Variants in SDK1 observed in about 807,000 individuals in gnomAD.
The protein encoded by SDK1 is sidekick cell adhesion molecule 1, also known as protein sidekick-1.
In SDK1, 157 loss-of-function variants were observed where a neutral mutation model predicts 245.5. The observed-to-expected ratio is 0.64, with a 90% CI of 0.56 to 0.73. The LOEUF is 0.73. SDK1 is among the 30% of genes least tolerant of loss of function. The pLI, the probability that SDK1 is intolerant of heterozygous loss-of-function variation, is 0.00. For synonymous variants in SDK1, 1,647 were observed against 1,278.5 expected, an observed-to-expected ratio of 1.29 and a Z score of -6.15; for missense variants, 3,583 against 3,002.3, an observed-to-expected ratio of 1.19 and a Z score of -4.52.
chr7:3,550,369 C>T (rs1416666418), intron 1 of SDK1, among the ~76,000 whole-genome samples: 1 of 152,170 alleles, frequency 6.6e-6, no homozygotes, highest in Non-Finnish European at 1.5e-5. Context: ...TTAATATACT[C>T]ACAATCAACA....
At position 4,149,443 on chromosome 7, in the gene SDK1, G is replaced by A. The variant is rs659182; in HGVS notation, c.4605G>A (p.Ala1535=). 3.9e-6 allele frequency: 6 copies of A among 1,542,892 alleles called. No individual in the cohort carries two copies. The highest frequency in any genetic ancestry group is 1.2e-5 in the South Asian group (1 of 80,162). ...QTYSSSISHE[A]TACVVDRLRP... ...ACTCCTCGTCCATCAGCCATGAGGC[G>A]ACAGCATGCGTCGTTGACAGGTACT... The change falls in exon 30 of 45, where the codon GCG becomes GCA. Residue 1535 remains alanine, a synonymous_variant. Coordinates refer to ENST00000404826, the MANE Select transcript of SDK1 (RefSeq NM_152744.4).
At chr7:3,745,904 C>T (rs1308368732) in intron 4 of SDK1, among the ~76,000 whole-genome samples, 1 of 152,152 alleles carries the variant, frequency 6.6e-6, no homozygotes, top group African/African-American at 2.4e-5. Flanking sequence ...TGATTAAGAA[C>T]ATACACTCTG....
At chr7:4,162,981 C>T (rs909620654) in intron 32 of SDK1, among the ~76,000 whole-genome samples, 1 of 152,194 alleles carries the variant, frequency 6.6e-6, no homozygotes, top group Admixed American at 6.5e-5. Flanking sequence ...GGACTCAGCC[C>T]AGGGCCTGTG....
At chr7:3,471,955 C>G (rs1041986522) in intron 1 of SDK1, among the ~76,000 whole-genome samples, 1 of 152,108 alleles carries the variant, frequency 6.6e-6, no homozygotes, top group Non-Finnish European at 1.5e-5. Flanking sequence ...TAAGTTGTTC[C>G]TAACCATAGT....
chr7:3,904,732 G>A (rs928723207), intron 5 of SDK1, among the ~76,000 whole-genome samples: 8 of 151,900 alleles, frequency 5.3e-5, no homozygotes, highest in African/African-American at 1.4e-4. Context: ...GGTGGCTCAC[G>A]CCTGTAATCC....
intron 1 of SDK1, among the ~76,000 whole-genome samples, chr7:3,376,745 G>A (rs1374266253): frequency 2.0e-5 from 3 of 152,138 alleles, no homozygotes; most frequent in African/African-American, 4.8e-5. Context: ...TTCAGCTATT[G>A]TGTAAATTTA....
rs574808841 is a variant in SDK1 at position 3,989,573 on chromosome 7, C to G, written c.2131+2251C>G. ...GGCCTGTGGTTGTCTCTGGATGATACTGGTGTTCTAAACGGGTCCCTGTTT... is the reference window on the plus strand; with the variant it reads ...GGCCTGTGGTTGTCTCTGGATGATAGTGGTGTTCTAAACGGGTCCCTGTTT... On this transcript the variant is annotated intron_variant, in intron 14 of 44. Coordinates refer to ENST00000404826, the MANE Select transcript of SDK1 (RefSeq NM_152744.4). Among the ~76,000 whole-genome samples, 105 of 152,246 alleles carry G rather than the reference C, an allele frequency of 6.9e-4. 1 individual carries two copies. Among genetic ancestry groups the G allele is most frequent in the African/African-American group, 2.5e-3 (102 of 41,542 alleles).
At chr7:3,305,490 T>C (rs1381750071) in intron 1 of SDK1, among the ~76,000 whole-genome samples, 1 of 152,218 alleles carries the variant, frequency 6.6e-6, no homozygotes. Flanking sequence ...GCCACTTGTT[T>C]GCTAGAGTGT....
At chr7:3,452,523 CA>C (rs934981954) in intron 1 of SDK1, among the ~76,000 whole-genome samples, 6 of 152,228 alleles carry the variant, frequency 3.9e-5, no homozygotes, top group Middle Eastern at 3.4e-3. Flanking sequence ...GCATTAATAA[CA>C]AATCAAAACC....
chr7:3,786,045 T>G (rs1430841014), intron 4 of SDK1, among the ~76,000 whole-genome samples: 1 of 152,194 alleles, frequency 6.6e-6, no homozygotes. Flanking sequence ...AAATGTGGTC[T>G]CTTTGAACAT....
intron 1 of SDK1, among the ~76,000 whole-genome samples, chr7:3,496,244 T>A (rs540262962): frequency 1.3e-5 from 2 of 152,134 alleles, no homozygotes; most frequent in Non-Finnish European, 2.9e-5. Flanking sequence ...AGTTAGCATA[T>A]CTGAGGCTCC....
intron 4 of SDK1, among the ~76,000 whole-genome samples, chr7:3,646,195 T>G (rs1366498246): frequency 1.3e-5 from 2 of 152,132 alleles, no homozygotes. Flanking sequence ...GTGAGTTTGG[T>G]TCCCTAATAC....
In SDK1 at chr7:3,573,642, A is replaced by C. The variant is rs566367972; in HGVS notation, c.299-45438A>C. ...TTTGAATATGAAAAAACAATAATCA[A>C]ATGATCTTCTTCCCAGGAGTTGAGT... On this transcript the variant is annotated intron_variant, in intron 1 of 44. Coordinates refer to ENST00000404826, the MANE Select transcript of SDK1 (RefSeq NM_152744.4). Among the ~76,000 whole-genome samples the C allele has an allele frequency of 3.9e-5, 6 of 152,046 alleles. No individual in the cohort carries two copies. In the South Asian group the frequency reaches 1.2e-3, roughly 32 times the overall value.
intron 4 of SDK1, among the ~76,000 whole-genome samples, chr7:3,648,293 T>C (rs1163535401): frequency 2.6e-5 from 4 of 152,124 alleles, no homozygotes; most frequent in Non-Finnish European, 5.9e-5. Flanking sequence ...ATCTTAACTC[T>C]GTACAGTGCC....
chr7:3,487,605 A>T (rs1203544013), intron 1 of SDK1, among the ~76,000 whole-genome samples: 1 of 151,936 alleles, frequency 6.6e-6, no homozygotes, highest in South Asian at 2.1e-4. Flanking sequence ...CACCCAAAAA[A>T]TTAGCCAGGC....
At chr7:3,454,388 T>TTGTGTGTGTGTG (rs60437983) in intron 1 of SDK1, among the ~76,000 whole-genome samples, 15,227 of 141,584 alleles carry the variant, frequency 0.11, 937 homozygotes, top group Non-Finnish European at 0.12. Flanking sequence ...TCCCCAAGAT[T>TTGTGTGTGTGTG]TGTGTGTGTG....
At chr7:3,536,077 G>C (rs972810157) in intron 1 of SDK1, among the ~76,000 whole-genome samples, 2 of 147,548 alleles carry the variant, frequency 1.4e-5, no homozygotes, top group South Asian at 4.3e-4. Context: ...TTTTTTCTTA[G>C]ACGGAGTCTC....
chr7:4,219,202 A>G (rs1421542004), intron 38 of SDK1, among the ~76,000 whole-genome samples: 1 of 152,140 alleles, frequency 6.6e-6, no homozygotes, highest in South Asian at 2.1e-4. Flanking sequence ...AGTTCTTATG[A>G]CTCATTTGAG....
chr7:4,027,280 G>A (rs1470749344), intron 17 of SDK1, among the ~76,000 whole-genome samples: 1 of 152,196 alleles, frequency 6.6e-6, no homozygotes, highest in Non-Finnish European at 1.5e-5. Context: ...TGTGTAACAG[G>A]GAAGGTGGTG....
Sources: allele counts gnomAD v4.1 joint callset (sites outside exome capture counted in the v4.1 genomes callset), GRCh38; gene constraint gnomAD v4.1.1; transcripts MANE v1.5; gene names NCBI Gene and HGNC (gene_info 2026-07-23, HGNC 2026-07-21).